The following PIBF1 variants were observed in gnomAD, a reference collection of about 807,000 sequenced individuals.
PIBF1 encodes the protein progesterone-induced-blocking factor 1.
PIBF1 carries 90 observed loss-of-function variants against 112.5 expected under a neutral mutation model. That is an observed-to-expected ratio of 0.80 (90% CI 0.67 to 0.95). PIBF1 has a LOEUF of 0.95. Among genes scored for constraint, PIBF1 ranks in the 40% least tolerant of loss-of-function variants. The pLI is 0.00. For synonymous variants in PIBF1, 301 were observed against 288.6 expected (o/e 1.04, Z -0.44); for missense variants, 915 against 852.3 (o/e 1.07, Z -0.92).
At chr13:72,890,750 T>C (rs997627238) in intron 10 of PIBF1, among the ~76,000 whole-genome samples, 2 of 152,150 alleles carry the variant, frequency 1.3e-5, no homozygotes, top group Non-Finnish European at 2.9e-5. Flanking sequence ...TAAAATGTGA[T>C]GGGTTATATT....
intron 14 of PIBF1, among the ~76,000 whole-genome samples, chr13:72,938,137 G>A (rs1190119919): frequency 2.0e-5 from 3 of 152,112 alleles, no homozygotes; most frequent in South Asian, 4.1e-4. Flanking sequence ...CACAGATATG[G>A]AATAAGGCCA....
At chr13:72,880,014 T>C (rs1195971638) in intron 10 of PIBF1, among the ~76,000 whole-genome samples, 10 of 152,216 alleles carry the variant, frequency 6.6e-5, no homozygotes, top group African/African-American at 2.4e-4. Context: ...AAAACATGTC[T>C]GCATGCCAGC....
chr13:72,955,071 C>G (rs1698008269), intron 14 of PIBF1, among the ~76,000 whole-genome samples: 1 of 152,140 alleles, frequency 6.6e-6, no homozygotes, highest in African/African-American at 2.4e-5. Context: ...TGTTATCACT[C>G]TGTTACTTAT....
At chr13:72,904,826 T>C (rs2040635323) in intron 11 of PIBF1, among the ~76,000 whole-genome samples, 1 of 151,996 alleles carries the variant, frequency 6.6e-6, no homozygotes, top group Admixed American at 6.6e-5. Context: ...GTGACAATAT[T>C]CCTTTACACA....
chr13:73,011,814 A>C (rs2044212027), intron 17 of PIBF1, among the ~76,000 whole-genome samples: 1 of 152,172 alleles, frequency 6.6e-6, no homozygotes, highest in Non-Finnish European at 1.5e-5. Flanking sequence ...GGTAGACTAA[A>C]AACCAAAAAA....
intron 16 of PIBF1, among the ~76,000 whole-genome samples, chr13:72,986,293 A>G (rs374256291): frequency 5.3e-5 from 8 of 152,234 alleles, no homozygotes; most frequent in African/African-American, 1.7e-4. Flanking sequence ...AGGCATCAAG[A>G]AAACATGAAT....
intron 16 of PIBF1, among the ~76,000 whole-genome samples, chr13:72,979,835 T>TG (rs1478503364): frequency 6.6e-6 from 1 of 152,004 alleles, no homozygotes; most frequent in Non-Finnish European, 1.5e-5. Context: ...GGCAGGAGAA[T>TG]GGCATGAACC....
chr13:72,807,190 A>C (rs1368631025), intron 5 of PIBF1, among the ~76,000 whole-genome samples: 1 of 148,986 alleles, frequency 6.7e-6, no homozygotes, highest in Non-Finnish European at 1.5e-5. Context: ...AAAAAAAAAA[A>C]GGAATAAAAA....
chr13:73,000,313 T>C (rs9543196), intron 17 of PIBF1, among the ~76,000 whole-genome samples: 17,985 of 152,254 alleles, frequency 0.12, 1,422 homozygotes, highest in Non-Finnish European at 0.18. Flanking sequence ...CTGCATCTAC[T>C]CTCTTATAAT....
intron 5 of PIBF1, among the ~76,000 whole-genome samples, chr13:72,812,950 T>C (rs1455351467): frequency 2.0e-5 from 3 of 151,506 alleles, no homozygotes; most frequent in Non-Finnish European, 4.4e-5. Context: ...AGACTCCGCC[T>C]CAAAAAAAAG....
intron 14 of PIBF1, among the ~76,000 whole-genome samples, chr13:72,937,770 G>A (rs1353856030): frequency 6.6e-6 from 1 of 152,026 alleles, no homozygotes; most frequent in Non-Finnish European, 1.5e-5. Flanking sequence ...AGCCGAGATC[G>A]CGCCACTTCA....
intron 17 of PIBF1, among the ~76,000 whole-genome samples, chr13:73,002,983 C>CAAAAAAAAAA (rs1161228077): frequency 1.7e-5 from 1 of 57,520 alleles, no homozygotes; most frequent in Non-Finnish European, 2.9e-5. Flanking sequence ...ACTCTGGTCT[C>CAAAAAAAAAA]AAAAAAAAAA....
In PIBF1 at chr13:72,866,604, A is replaced by C. The variant is rs553659258; in HGVS notation, c.1322+12449A>C. On this transcript the variant is annotated intron_variant, in intron 10 of 17. Coordinates refer to ENST00000326291, the MANE Select transcript of PIBF1 (RefSeq NM_006346.4). ...GTGTGACTTTTAATAACATTCTTTA[A>C]GAACATCATGACAGTGACATTAAGA... Among the ~76,000 whole-genome samples, 243 of 152,260 alleles carry C rather than the reference A, an allele frequency of 1.6e-3. 1 individual carries two copies. Among genetic ancestry groups the C allele is most frequent in the African/African-American group, 5.6e-3 (233 of 41,542 alleles).
At chr13:72,973,843 A>T in intron 16 of PIBF1, 168 bp downstream of exon 16, 1 of 521,506 alleles carries the variant, frequency 1.9e-6, no homozygotes, top group Non-Finnish European at 3.4e-6. Context: ...TACTTCTTAG[A>T]GTTAATTCTT....
At chr13:72,886,043 G>A (rs2039836716) in intron 10 of PIBF1, among the ~76,000 whole-genome samples, 1 of 151,624 alleles carries the variant, frequency 6.6e-6, no homozygotes, top group South Asian at 2.1e-4. Context: ...ATCCCTTTTT[G>A]CCTTTTACAA....
At chr13:72,947,479 C>G (rs542425409) in intron 14 of PIBF1, among the ~76,000 whole-genome samples, 1 of 152,212 alleles carries the variant, frequency 6.6e-6, no homozygotes, top group East Asian at 1.9e-4. Flanking sequence ...TGGCAATTAA[C>G]ATTTTGCTCC....
At chr13:72,966,978 C>T (rs1566499176) in intron 15 of PIBF1, among the ~76,000 whole-genome samples, 2 of 151,666 alleles carry the variant, frequency 1.3e-5, no homozygotes, top group African/African-American at 4.8e-5. Context: ...CACTGTCACC[C>T]AGGCTGGAGT....
chr13:72,909,497 CTTTTTTT>C (rs768847208), intron 12 of PIBF1, among the ~76,000 whole-genome samples: 7 of 142,850 alleles, frequency 4.9e-5, no homozygotes, highest in Non-Finnish European at 7.7e-5. Context: ...TTTCTTTTTT[CTTTTTTT>C]TTTTTTTGAG....
At chr13:72,835,521 G>T (rs1341271229) in intron 9 of PIBF1, among the ~76,000 whole-genome samples, 153 bp downstream of exon 9, 1 of 152,038 alleles carries the variant, frequency 6.6e-6, no homozygotes, top group Non-Finnish European at 1.5e-5. Flanking sequence ...ATGAGAACAT[G>T]AAAGTTCTAA....
Sources: gnomAD v4.1 joint callset for allele counts (sites outside exome capture counted in the v4.1 genomes callset) on GRCh38, gnomAD v4.1.1 for gene constraint, MANE v1.5 for transcripts, NCBI Gene and HGNC (gene_info 2026-07-23, HGNC 2026-07-21) for gene names.